The following FIP1L1 variants were observed in gnomAD, a reference collection of about 807,000 sequenced individuals.
The protein encoded by FIP1L1 is pre-mRNA 3'-end-processing factor FIP1.
Under a neutral mutation model 84.6 loss-of-function variants are expected in FIP1L1, and 21 were observed. The observed-to-expected ratio is 0.25, with a 90% confidence interval of 0.18 to 0.36. FIP1L1 has a LOEUF of 0.36. Among genes scored for constraint, FIP1L1 ranks in the 10% least tolerant of loss-of-function variants. The pLI, the probability that FIP1L1 is intolerant of heterozygous loss-of-function variation, is 1.00. For synonymous variants in FIP1L1, 263 were observed against 242.3 expected, an observed-to-expected ratio of 1.09 and a Z score of -0.80; for missense variants, 526 against 751.1, an observed-to-expected ratio of 0.70 and a Z score of 3.50.
At chr4:53,378,121 A>G (rs1735627402) in intron 1 of FIP1L1, 198 bp downstream of exon 1, 1 of 467,398 alleles carries the variant, frequency 2.1e-6, no homozygotes, top group East Asian at 3.5e-5. Context: ...CACGCCCACC[A>G]TGCGCATCCA....
intron 1 of FIP1L1, 168 bp from the exon 2 acceptor site, chr4:53,378,905 C>G (rs1469708989): frequency 1.5e-4 from 103 of 690,860 alleles, no homozygotes; most frequent in Non-Finnish European, 3.1e-5. Context: ...TTAGTTACTA[C>G]TCTTTGAAAT....
chr4:53,410,510 G>C (rs566411395), intron 10 of FIP1L1, among the ~76,000 whole-genome samples: 1 of 152,164 alleles, frequency 6.6e-6, no homozygotes, highest in East Asian at 1.9e-4. Context: ...TGTTGTTGAT[G>C]TTGCGAGTTG....
chr4:53,425,252 C>T (rs1763871477), intron 11 of FIP1L1, among the ~76,000 whole-genome samples: 1 of 151,924 alleles, frequency 6.6e-6, no homozygotes, highest in Non-Finnish European at 1.5e-5. Context: ...AAATTTATAG[C>T]ATTGTTTTAT....
At chr4:53,388,175 T>C (rs1026883711) in intron 5 of FIP1L1, among the ~76,000 whole-genome samples, 2 of 152,130 alleles carry the variant, frequency 1.3e-5, no homozygotes, top group African/African-American at 2.4e-5. Context: ...AAGTCTTAAA[T>C]GTAGTACATC....
At chr4:53,399,020 G>A (rs1218368115) in intron 9 of FIP1L1, among the ~76,000 whole-genome samples, 6 of 152,062 alleles carry the variant, frequency 3.9e-5, no homozygotes, top group Non-Finnish European at 8.8e-5. Flanking sequence ...GCATGGTGGT[G>A]CACACCTGTA....
At chr4:53,395,745 C>CGT (rs1281774600) in intron 9 of FIP1L1, among the ~76,000 whole-genome samples, 2 of 151,234 alleles carry the variant, frequency 1.3e-5, no homozygotes, top group South Asian at 2.1e-4. Context: ...TGTGTGTGTG[C>CGT]GTGTGTGTGT....
intron 8 of FIP1L1, 23 bp from the exon 9 acceptor site, chr4:53,391,407 G>T: frequency 6.3e-7 from 1 of 1,593,490 alleles, no homozygotes; most frequent in South Asian, 1.1e-5. Context: ...GTATCTTAAT[G>T]GGGAATATGT....
In FIP1L1 at chr4:53,459,659, A is replaced by AATG; in HGVS notation, c.*212_*214dup. 2 of 637,144 alleles carry AATG rather than the reference A, an allele frequency of 3.1e-6. No homozygotes were observed. Among genetic ancestry groups the AATG allele is most frequent in the Non-Finnish European group, 5.3e-6 (2 of 374,436 alleles). 39.5% of individuals were successfully genotyped at this position (637,144 alleles called of 1,614,324 possible). A position where few individuals can be genotyped will look rare whatever the true frequency, so the allele number is the denominator to read the frequency against. ...ACTATTTCAAAAATAAAAAGACAGCAATGACTTTATATCCAAGAAAGGAAT... is the reference window on the plus strand; with the variant it reads ...ACTATTTCAAAAATAAAAAGACAGCAATGATGACTTTATATCCAAGAAAGGAAT... On this transcript the variant is annotated 3_prime_UTR_variant, in exon 18 of 18. Transcript: ENST00000337488.
At chr4:53,420,465 A>G (rs1401805821) in intron 11 of FIP1L1, among the ~76,000 whole-genome samples, 1 of 149,588 alleles carries the variant, frequency 6.7e-6, no homozygotes, top group Non-Finnish European at 1.5e-5. Context: ...TCAGACACTC[A>G]GTGAGTGTCG....
chr4:53,444,133 C>T (rs762619499), intron 15 of FIP1L1, 30 bp downstream of exon 15: 2 of 1,335,632 alleles, frequency 1.5e-6, no homozygotes, highest in East Asian at 2.3e-5. Context: ...TGCCTAGATT[C>T]AGTTTGAATC....
intron 9 of FIP1L1, among the ~76,000 whole-genome samples, chr4:53,397,571 G>A (rs1445673591): frequency 8.5e-5 from 13 of 152,160 alleles, no homozygotes; most frequent in Admixed American, 8.5e-4. Flanking sequence ...ATGCAAAAAG[G>A]AATTGTTGAA....
At chr4:53,392,927 G>A (rs1745054468) in intron 9 of FIP1L1, among the ~76,000 whole-genome samples, 2 of 152,178 alleles carry the variant, frequency 1.3e-5, no homozygotes, top group Non-Finnish European at 2.9e-5. Context: ...TGCCTTGATA[G>A]TGTGTTTAAA....
chr4:53,459,635 C>A lies in FIP1L1; in HGVS notation c.*186C>A. The A allele has an allele frequency of 1.3e-6, 1 of 780,234 alleles. No individual in the cohort carries two copies. Among genetic ancestry groups the A allele is most frequent in the Non-Finnish European group, 2.0e-6 (1 of 489,910 alleles). The allele number at this position is 780,234 out of a possible 1,614,324, so 48.3% of individuals were successfully genotyped here. On this transcript the variant is annotated 3_prime_UTR_variant, in exon 18 of 18. Transcript: ENST00000337488. Reference sequence around the variant, plus strand: ...TTAAGTTAAAAATCTTTGTCTTGTACTATTTCAAAAATAAAAAGACAGCAA... The same window carrying A: ...TTAAGTTAAAAATCTTTGTCTTGTAATATTTCAAAAATAAAAAGACAGCAA...
In FIP1L1 at chr4:53,445,383, TC is replaced by T. The variant is rs1374127735; in HGVS notation, c.1285+1282del. Among the ~76,000 whole-genome samples, 4 of 152,306 alleles carry T rather than the reference TC, an allele frequency of 2.6e-5. No homozygotes were observed. The East Asian group carries it at 7.7e-4, about 29-fold the overall frequency. ...TAAAAAATAATTTTCTCCCTACTCTTCCTAGTTCTTAGGATGGACCCTGTAT... is the reference window on the plus strand; with the variant it reads ...TAAAAAATAATTTTCTCCCTACTCTTCTAGTTCTTAGGATGGACCCTGTAT... On this transcript the variant is annotated intron_variant, in intron 15 of 17. Transcript: ENST00000337488.
chr4:53,414,191 T>A (rs1238132788), intron 10 of FIP1L1, among the ~76,000 whole-genome samples: 1 of 152,122 alleles, frequency 6.6e-6, no homozygotes, highest in East Asian at 1.9e-4. Context: ...TGTTAACTGG[T>A]TGCACTAACA....
intron 1 of FIP1L1, 28 bp downstream of exon 1, chr4:53,377,951 G>T (rs769123163): frequency 1.3e-6 from 2 of 1,544,508 alleles, no homozygotes; most frequent in East Asian, 2.4e-5. Flanking sequence ...TCTGTCTCTC[G>T]GGTTCTCTCA....
chr4:53,451,956 T>A (rs1716293102), intron 15 of FIP1L1, among the ~76,000 whole-genome samples: 1 of 151,652 alleles, frequency 6.6e-6, no homozygotes, highest in South Asian at 2.1e-4. Context: ...CAATCTCGGC[T>A]CACTGCAAGC....
intron 10 of FIP1L1, among the ~76,000 whole-genome samples, chr4:53,406,435 G>A (rs1167748816): frequency 9.9e-5 from 15 of 152,122 alleles, no homozygotes; most frequent in East Asian, 3.9e-4. Flanking sequence ...GGATTTTTGC[G>A]TCAATGTTCA....
intron 3 of FIP1L1, among the ~76,000 whole-genome samples, chr4:53,379,910 G>A (rs1479517483): frequency 6.6e-6 from 1 of 152,198 alleles, no homozygotes; most frequent in East Asian, 1.9e-4. Flanking sequence ...TGGAGGGAGA[G>A]GTAGTTAGAA....
Sources: gnomAD v4.1 joint callset for allele counts (sites outside exome capture counted in the v4.1 genomes callset) on GRCh38, gnomAD v4.1.1 for gene constraint, MANE v1.5 for transcripts, NCBI Gene and HGNC (gene_info 2026-07-23, HGNC 2026-07-21) for gene names.